Variants in CPQ observed in about 807,000 individuals in gnomAD.
CPQ encodes the protein carboxypeptidase Q, also known as Ser-Met dipeptidase.
Under a neutral mutation model 45.7 loss-of-function variants are expected in CPQ, and 37 were observed. The observed-to-expected ratio is 0.81, with a 90% CI of 0.62 to 1.07. CPQ has a LOEUF of 1.07. Ranked by LOEUF, CPQ falls within the 50% of genes least tolerant of loss-of-function variation. The probability of loss-of-function intolerance (pLI) is 0.00; values close to 1 mark genes in which losing one functional copy is unlikely to be tolerated. For missense variants in CPQ, 537 were observed against 572.9 expected (o/e 0.94, Z 0.64); for synonymous variants, 186 against 205.8 (o/e 0.90, Z 0.82).
At chr8:97,023,013 A>AGATAG (rs1809727034) in intron 5 of CPQ, among the ~76,000 whole-genome samples, 1 of 146,864 alleles carries the variant, frequency 6.8e-6, no homozygotes, top group Non-Finnish European at 1.5e-5. Flanking sequence ...TATATACTAT[A>AGATAG]TATAGTATAT....
intron 4 of CPQ, among the ~76,000 whole-genome samples, chr8:96,909,588 C>A (rs1324416601): frequency 6.6e-6 from 1 of 152,106 alleles, no homozygotes; most frequent in African/African-American, 2.4e-5. Flanking sequence ...GATGTGTGGG[C>A]AGCTCTTTCT....
At chr8:97,021,061 GTT>G (rs1440676397) in intron 5 of CPQ, among the ~76,000 whole-genome samples, 3 of 152,154 alleles carry the variant, frequency 2.0e-5, no homozygotes, top group Non-Finnish European at 4.4e-5. Context: ...CGCAGGAATG[GTT>G]TAACATACAC....
chr8:96,645,338 A>C lies in CPQ; in HGVS notation c.-99A>C, dbSNP rs1815504556. 6.6e-6 allele frequency: 1 copy of C among 152,382 alleles called. No individual in the cohort carries two copies. The allele number at this position is 152,382 out of a possible 1,614,324, so 9.4% of individuals were successfully genotyped here. A position where few individuals can be genotyped will look rare whatever the true frequency, so the allele number is the denominator to read the frequency against. On this transcript the variant is annotated 5_prime_UTR_variant, in exon 1 of 8. Coordinates refer to ENST00000220763, the MANE Select transcript of CPQ (RefSeq NM_016134.4). ...CAGGGGTGTGGCCGCCGCCACCGTA[A>C]GGCTAGGCCGCGAGCTTAGTCCTGG...
chr8:96,859,084 C>T (rs1472386057), intron 3 of CPQ, among the ~76,000 whole-genome samples: 1 of 152,168 alleles, frequency 6.6e-6, no homozygotes, highest in Non-Finnish European at 1.5e-5. Context: ...GCTATTGATG[C>T]TCCATAGGTT....
intron 4 of CPQ, among the ~76,000 whole-genome samples, chr8:96,884,762 CAT>C (rs2130884856): frequency 6.6e-6 from 1 of 152,242 alleles, no homozygotes; most frequent in South Asian, 2.1e-4. Context: ...TAAAATCATT[CAT>C]TTTTAAGTTA....
intron 1 of CPQ, among the ~76,000 whole-genome samples, chr8:96,719,278 G>C (rs976099602): frequency 6.6e-5 from 10 of 152,222 alleles, no homozygotes; most frequent in Non-Finnish European, 1.5e-4. Context: ...CAGCGCTGGT[G>C]GGCTGGCACT....
At chr8:97,123,157 TA>T (rs1394846252) in intron 7 of CPQ, among the ~76,000 whole-genome samples, 13 of 45,842 alleles carry the variant, frequency 2.8e-4, no homozygotes, top group African/African-American at 1.3e-3. Flanking sequence ...ATAAATAAAA[TA>T]AAATAAAATA....
At chr8:96,856,328 G>A (rs1205163295) in intron 3 of CPQ, among the ~76,000 whole-genome samples, 2 of 152,186 alleles carry the variant, frequency 1.3e-5, no homozygotes, top group African/African-American at 2.4e-5. Context: ...AGTGGGCAGT[G>A]GGCAAGCTTG....
chr8:96,679,533 C>T (rs1420843180), intron 1 of CPQ, among the ~76,000 whole-genome samples: 5 of 152,036 alleles, frequency 3.3e-5, no homozygotes, highest in Non-Finnish European at 7.4e-5. Flanking sequence ...TAGAATTCAG[C>T]AGTAAAGCCA....
At chr8:97,141,976 G>GTA (rs974611105) in intron 7 of CPQ, among the ~76,000 whole-genome samples, 1 of 152,142 alleles carries the variant, frequency 6.6e-6, no homozygotes, top group African/African-American at 2.4e-5. Context: ...TGGTAAAACT[G>GTA]TAGAAAAGCA....
At chr8:96,913,730 G>C (rs971623352) in intron 4 of CPQ, among the ~76,000 whole-genome samples, 1 of 152,164 alleles carries the variant, frequency 6.6e-6, no homozygotes, top group Non-Finnish European at 1.5e-5. Context: ...TGGTTGTCTA[G>C]CTACTTATGT....
chr8:96,862,380 C>G (rs773378188), intron 3 of CPQ, among the ~76,000 whole-genome samples: 1 of 150,728 alleles, frequency 6.6e-6, no homozygotes, highest in African/African-American at 2.4e-5. Flanking sequence ...TCTATGTAAA[C>G]CTTCTGGTGC....
intron 7 of CPQ, among the ~76,000 whole-genome samples, chr8:97,091,276 G>C (rs759481990): frequency 3.3e-5 from 5 of 152,208 alleles, no homozygotes; most frequent in African/African-American, 7.2e-5. Context: ...TCTCAGAAGA[G>C]GGGATGTCTG....
At chr8:97,066,602 A>T (rs955293279) in intron 7 of CPQ, among the ~76,000 whole-genome samples, 1 of 152,220 alleles carries the variant, frequency 6.6e-6, no homozygotes, top group African/African-American at 2.4e-5. Context: ...ATATCCTTCT[A>T]GTTCTAGTCC....
chr8:96,679,641 T>G (rs2464499), intron 1 of CPQ, among the ~76,000 whole-genome samples: 111,693 of 151,862 alleles, frequency 0.74, 41,457 homozygotes, highest in Middle Eastern at 0.83. Context: ...GCTCATTCTT[T>G]GTAGGTTTTA....
At chr8:96,771,571 C>T (rs953946682) in intron 1 of CPQ, among the ~76,000 whole-genome samples, 1 of 151,976 alleles carries the variant, frequency 6.6e-6, no homozygotes, top group Non-Finnish European at 1.5e-5. Context: ...GCTTACTTTG[C>T]AGGGTAGTAT....
At position 97,040,125 on chromosome 8, in the gene CPQ, C is replaced by T. The variant is rs1214781051; in HGVS notation, c.1053+10631C>T. Among the ~76,000 whole-genome samples the T allele has an allele frequency of 5.4e-4, 80 of 148,802 alleles. No individual in the cohort carries two copies. The East Asian group carries it at 0.011, about 21-fold the overall frequency. On this transcript the variant is annotated intron_variant, in intron 6 of 7. Coordinates refer to ENST00000220763, the MANE Select transcript of CPQ (RefSeq NM_016134.4). ...CAGTGTAAAAGTGTTCCTATTTCTC[C>T]ACATCCTCTCCAGCACCTGTTGTTT...
intron 3 of CPQ, among the ~76,000 whole-genome samples, chr8:96,845,635 A>G (rs1158915480): frequency 1.3e-5 from 2 of 152,082 alleles, no homozygotes; most frequent in Non-Finnish European, 1.5e-5. Context: ...GACACAAGGC[A>G]CAATGCCTGT....
intron 1 of CPQ, among the ~76,000 whole-genome samples, chr8:96,678,540 A>T (rs934738564): frequency 1.3e-5 from 2 of 152,130 alleles, no homozygotes; most frequent in Non-Finnish European, 2.9e-5. Context: ...CCAACAGTAT[A>T]TAAGCGTTCC....
Sources: gnomAD v4.1 joint callset for allele counts (sites outside exome capture counted in the v4.1 genomes callset) on GRCh38, gnomAD v4.1.1 for gene constraint, MANE v1.5 for transcripts, NCBI Gene and HGNC (gene_info 2026-07-23, HGNC 2026-07-21) for gene names.